The following EEFSEC variants were observed in gnomAD, a reference collection of about 807,000 sequenced individuals.
EEFSEC encodes selenocysteine-specific elongation factor.
Under a neutral mutation model 42.1 loss-of-function variants are expected in EEFSEC, and 43 were observed. The observed-to-expected ratio is 1.02, with a 90% CI of 0.80 to 1.32. EEFSEC has a LOEUF of 1.32. Among genes scored for constraint, EEFSEC ranks in the 40% most tolerant of loss-of-function variants. The pLI is 0.00. For synonymous variants in EEFSEC, 354 were observed against 339.1 expected (o/e 1.04, Z -0.48); for missense variants, 745 against 803.6 (o/e 0.93, Z 0.88).
downstream of EEFSEC, among the ~76,000 whole-genome samples, chr3:128,413,383 C>T (rs2068187821): frequency 6.6e-6 from 1 of 152,158 alleles, no homozygotes; most frequent in African/African-American, 2.4e-5. Context: ...CAGCCTTGTG[C>T]TCCCTGGGGC....
Position 128,153,739 on chromosome 3 carries a change from G to A in EEFSEC, c.232G>A (p.Glu78Lys), listed in dbSNP as rs766017842. 194 of 1,538,552 alleles carry A rather than the reference G, an allele frequency of 1.3e-4. No individual in the cohort carries two copies. The highest frequency in any genetic ancestry group is 1.7e-4 in the Middle Eastern group (1 of 5,818). Residue 78 changes from glutamate (E) to lysine (K), a missense_variant, in exon 1 of 7, where the codon GAG (glutamate) becomes AAG (lysine). By Grantham distance (56) the Glu-to-Lys change is moderately conservative. Coordinates refer to ENST00000254730, the MANE Select transcript of EEFSEC (RefSeq NM_021937.5). ...LPEFQAAPEA[E>K]PEPGEPLLQV... ...CGAGTTCCAGGCAGCGCCCGAGGCC[G>A]AGCCCGAGCCCGGCGAGCCACTGCT...
intron 1 of EEFSEC, among the ~76,000 whole-genome samples, chr3:128,242,416 A>G (rs2066081572): frequency 6.6e-6 from 1 of 152,234 alleles, no homozygotes; most frequent in Non-Finnish European, 1.5e-5. Flanking sequence ...AACTTAAAAT[A>G]TAAGTTGGAA....
intron 5 of EEFSEC, among the ~76,000 whole-genome samples, chr3:128,342,235 G>A (rs563836479): frequency 9.1e-4 from 138 of 152,364 alleles, no homozygotes; most frequent in African/African-American, 2.8e-3. Context: ...GCAGCGGTTA[G>A]CACTGGCTTC....
chr3:128,274,813 C>T (rs543709475), intron 4 of EEFSEC, among the ~76,000 whole-genome samples: 4 of 152,196 alleles, frequency 2.6e-5, no homozygotes, highest in South Asian at 4.1e-4. Flanking sequence ...GGGCAAGACA[C>T]GCCCCTCTGT....
At chr3:128,171,099 C>T (rs958878390) in intron 1 of EEFSEC, among the ~76,000 whole-genome samples, 3 of 152,194 alleles carry the variant, frequency 2.0e-5, no homozygotes, top group Non-Finnish European at 4.4e-5. Flanking sequence ...TCCATGCCGA[C>T]TCCGAACTAT....
At chr3:128,308,558 C>T (rs2066856577) in intron 4 of EEFSEC, among the ~76,000 whole-genome samples, 1 of 152,166 alleles carries the variant, frequency 6.6e-6, no homozygotes, top group Non-Finnish European at 1.5e-5. Flanking sequence ...TAAGCCAGTC[C>T]CCCAAAACCT....
chr3:128,423,250 G>T, the EEFSEC span, among the ~76,000 whole-genome samples: 1 of 152,302 alleles, frequency 6.6e-6, no homozygotes, highest in African/African-American at 2.4e-5. Flanking sequence ...ATCAACTGAT[G>T]AATGGATACA....
intron 1 of EEFSEC, among the ~76,000 whole-genome samples, chr3:128,223,827 C>T (rs574525799): frequency 3.3e-5 from 5 of 151,884 alleles, no homozygotes; most frequent in Admixed American, 2.6e-4. Flanking sequence ...AGAAAACAAG[C>T]GAAGAAAACA....
At chr3:128,169,473 G>A (rs980622454) in intron 1 of EEFSEC, among the ~76,000 whole-genome samples, 1 of 152,208 alleles carries the variant, frequency 6.6e-6, no homozygotes, top group Non-Finnish European at 1.5e-5. Flanking sequence ...AGGACACGGT[G>A]AGACAGAAGA....
downstream of EEFSEC, among the ~76,000 whole-genome samples, chr3:128,410,531 T>C (rs114903047): frequency 0.044 from 6,628 of 152,278 alleles, 488 homozygotes; most frequent in African/African-American, 0.15. Context: ...ACAGGGCGAA[T>C]GTGGCTGCCG....
At chr3:128,201,713 A>G (rs2065645759) in intron 1 of EEFSEC, among the ~76,000 whole-genome samples, 1 of 152,172 alleles carries the variant, frequency 6.6e-6, no homozygotes, top group African/African-American at 2.4e-5. Context: ...GTTTTGATGA[A>G]GTCTAATTTA....
intron 6 of EEFSEC, among the ~76,000 whole-genome samples, chr3:128,406,853 C>CAT (rs1355478340): frequency 4.0e-5 from 6 of 150,842 alleles, no homozygotes; most frequent in African/African-American, 1.5e-4. Flanking sequence ...TATATATACA[C>CAT]ATATATATAC....
chr3:128,268,813 C>T (rs1444745872), intron 4 of EEFSEC, among the ~76,000 whole-genome samples: 1 of 152,150 alleles, frequency 6.6e-6, no homozygotes, highest in Non-Finnish European at 1.5e-5. Context: ...GGAACCATCC[C>T]TGCTGACACG....
chr3:128,285,368 G>A (rs911574768), intron 4 of EEFSEC, among the ~76,000 whole-genome samples: 1 of 152,190 alleles, frequency 6.6e-6, no homozygotes, highest in African/African-American at 2.4e-5. Flanking sequence ...GTCCCCCTGG[G>A]TGCTCACACT....
intron 1 of EEFSEC, among the ~76,000 whole-genome samples, chr3:128,211,848 C>CTTTTTTTTTTTTTTTTTTT (rs34885945): frequency 1.7e-4 from 9 of 51,694 alleles, no homozygotes; most frequent in African/African-American, 2.5e-4. Flanking sequence ...TTTTTCTTTT[C>CTTTTTTTTTTTTTTTTTTT]TTTTTTTTTT....
chr3:128,207,683 G>A (rs1477081669), intron 1 of EEFSEC, among the ~76,000 whole-genome samples: 1 of 152,072 alleles, frequency 6.6e-6, no homozygotes, highest in Non-Finnish European at 1.5e-5. Context: ...ATTCAAAGCA[G>A]GAACACAGGG....
chr3:128,409,081 C>G (rs1466368767), downstream of EEFSEC, among the ~76,000 whole-genome samples: 1 of 152,224 alleles, frequency 6.6e-6, no homozygotes, highest in Non-Finnish European at 1.5e-5. Flanking sequence ...CTGCCATCCC[C>G]TGCACCCACA....
At chr3:128,209,874 G>T (rs1015296390) in intron 1 of EEFSEC, among the ~76,000 whole-genome samples, 9 of 152,196 alleles carry the variant, frequency 5.9e-5, no homozygotes, top group African/African-American at 2.2e-4. Context: ...CAAAGAAATG[G>T]ACAGATAACC....
intron 6 of EEFSEC, among the ~76,000 whole-genome samples, chr3:128,371,417 A>G (rs930501273): frequency 6.6e-6 from 1 of 152,176 alleles, no homozygotes; most frequent in African/African-American, 2.4e-5. Context: ...GCTTCTTCTT[A>G]CTAGGTACAG....
Sources: allele counts gnomAD v4.1 joint callset (sites outside exome capture counted in the v4.1 genomes callset), GRCh38; gene constraint gnomAD v4.1.1; transcripts MANE v1.5; gene names NCBI Gene and HGNC (gene_info 2026-07-23, HGNC 2026-07-21).